The following MYOZ1 variants were observed in gnomAD, a reference collection of about 807,000 sequenced individuals.
MYOZ1 encodes myozenin-1.
MYOZ1 carries 20 observed loss-of-function variants against 28.7 expected under a neutral mutation model. That is an observed-to-expected ratio of 0.70 (90% CI 0.49 to 1.01). The LOEUF (loss-of-function observed/expected upper bound fraction) is 1.01. Among genes scored for constraint, MYOZ1 ranks in the 50% least tolerant of loss-of-function variants. The pLI is 0.00. For synonymous variants in MYOZ1, 144 were observed against 145.8 expected (o/e 0.99, Z 0.09); for missense variants, 371 against 372.4 (o/e 1.00, Z 0.03).
Position 73,641,392 on chromosome 10 carries a change from G to C in MYOZ1, c.-19+19C>G, listed in dbSNP as rs995830558. On this transcript the variant is annotated intron_variant, in intron 1 of 5. Transcript: ENST00000359322. Reference sequence around the variant, plus strand: ...CACAGTGGGCTCCAGCCTTTCTAACGATAGAGCTGGAGACTTACCGGCTGC... The same window carrying C: ...CACAGTGGGCTCCAGCCTTTCTAACCATAGAGCTGGAGACTTACCGGCTGC... 1 of 152,294 alleles carries C rather than the reference G, an allele frequency of 6.6e-6. No homozygotes were observed. The highest frequency in any genetic ancestry group is 1.5e-5 in the Non-Finnish European group (1 of 68,102). 9.4% of individuals were successfully genotyped at this position (152,294 alleles called of 1,614,324 possible).
In MYOZ1 at chr10:73,636,457, T is replaced by A. The variant is rs557078097; in HGVS notation, c.252+1287A>T. Among the ~76,000 whole-genome samples, 49 of 138,568 alleles carry A rather than the reference T, an allele frequency of 3.5e-4. 1 individual carries two copies. The South Asian group carries it at 0.011, about 31-fold the overall frequency. The allele number at this position is 138,568 out of a possible 152,430, so 90.9% of individuals were successfully genotyped here. ...TTTGAATTTCAGATGCACAACAAATTTTTATTTTTTTTTTTTAGATGGGTT... is the reference window on the plus strand; with the variant it reads ...TTTGAATTTCAGATGCACAACAAATATTTATTTTTTTTTTTTAGATGGGTT... On this transcript the variant is annotated intron_variant, in intron 3 of 5. Transcript: ENST00000359322.
At chr10:73,635,350 G>T (rs73272395) in intron 3 of MYOZ1, among the ~76,000 whole-genome samples, 33,169 of 150,862 alleles carry the variant, frequency 0.22, 5,413 homozygotes, top group African/African-American at 0.45. Flanking sequence ...AGACCAACAC[G>T]CCTGCCCAGC....
At chr10:73,635,346 A>C (rs1439628354) in intron 3 of MYOZ1, among the ~76,000 whole-genome samples, 2 of 151,788 alleles carry the variant, frequency 1.3e-5, no homozygotes, top group Non-Finnish European at 2.9e-5. Context: ...AAAAAGACCA[A>C]CACGCCTGCC....
At chr10:73,633,452 G>T (rs2081647886) in intron 5 of MYOZ1, among the ~76,000 whole-genome samples, 1 of 152,132 alleles carries the variant, frequency 6.6e-6, no homozygotes, top group African/African-American at 2.4e-5. Context: ...AAGCAGGCCG[G>T]GCACGGTGGC....
intron 5 of MYOZ1, among the ~76,000 whole-genome samples, chr10:73,632,958 G>T (rs2081643756): frequency 6.6e-6 from 1 of 151,986 alleles, no homozygotes; most frequent in African/African-American, 2.4e-5. Context: ...TCCTCTCCAT[G>T]GGCTAGAGAA....
At chr10:73,638,638 T>TTTTTTTTATTTA (rs748007634) in intron 2 of MYOZ1, among the ~76,000 whole-genome samples, 6 of 124,114 alleles carry the variant, frequency 4.8e-5, no homozygotes, top group African/African-American at 2.1e-4. Flanking sequence ...CCAGCCTACA[T>TTTTTTTTATTTA]TTTATTTATT....
rs753905596 is a variant in MYOZ1 at position 73,634,653 on chromosome 10, G to A, written c.333C>T (p.Asn111=). The change falls in exon 4 of 6, where the codon AAC becomes AAT. Residue 111 remains asparagine, a synonymous_variant. Coordinates refer to ENST00000359322, the MANE Select transcript of MYOZ1 (RefSeq NM_021245.4). Reference sequence around the variant, plus strand: ...CCCCTGCCTGGCTGCCGCCTCTGCCGTTGCTCTTGCTGTATGAGAATCCCT... The same window carrying A: ...CCCCTGCCTGGCTGCCGCCTCTGCCATTGCTCTTGCTGTATGAGAATCCCT... ...AGQGFSYSKS[N]GRGGSQAGGS... 4.0e-5 allele frequency: 65 copies of A among 1,614,102 alleles called. No individual in the cohort carries two copies. The highest frequency in any genetic ancestry group is 9.9e-5 in the South Asian group (9 of 91,090).
At chr10:73,634,198 A>G in intron 4 of MYOZ1, 133 bp from the exon 5 acceptor site, 1 of 1,135,850 alleles carries the variant, frequency 8.8e-7, no homozygotes, top group Non-Finnish European at 1.2e-6. Context: ...TAATTGTATA[A>G]GGTTTGTGGC....
rs150557332 is a variant in MYOZ1, at chr10:73,640,337, A to G, written c.-18-302T>C. On this transcript the variant is annotated intron_variant, in intron 1 of 5. Coordinates refer to ENST00000359322, the MANE Select transcript of MYOZ1 (RefSeq NM_021245.4). ...GCTAATTTTTGTATTTTTTGTAGAA[A>G]TGTGGTTTTGCCATGTTGCCCAGGC... Among the ~76,000 whole-genome samples the G allele has an allele frequency of 3.8e-3, 582 of 152,188 alleles. 2 individuals are homozygous for G. The highest frequency in any genetic ancestry group is 0.013 in the African/African-American group (551 of 41,514).
In MYOZ1 at chr10:73,634,523, C is replaced by T. The variant is rs1304495912; in HGVS notation, c.463G>A (p.Gly155Arg). The change falls in exon 4 of 6, where the codon GGA becomes AGA. Residue 155 changes from glycine to arginine, a missense_variant. Physicochemically the swap from Gly to Arg is moderately radical, Grantham distance 125. Coordinates refer to ENST00000359322, the MANE Select transcript of MYOZ1 (RefSeq NM_021245.4). ...GGPAGQAGRG[G>R]AAGTAGVGET... ...CCAACCCCTGCTGTGCCAGCAGCTCCTCCTCTGCCAGCCTGGCCCGCGGGA... is the reference window on the plus strand; with the variant it reads ...CCAACCCCTGCTGTGCCAGCAGCTCTTCCTCTGCCAGCCTGGCCCGCGGGA... 2 of 1,614,076 alleles carry T rather than the reference C, an allele frequency of 1.2e-6. No individual in the cohort carries two copies. Among genetic ancestry groups the T allele is most frequent in the African/African-American group, 2.7e-5 (2 of 74,924 alleles).
chr10:73,640,730 A>G (rs911948702), intron 1 of MYOZ1, among the ~76,000 whole-genome samples: 1 of 152,184 alleles, frequency 6.6e-6, no homozygotes, highest in African/African-American at 2.4e-5. Context: ...TGGGGCTGTG[A>G]TTCCAGGCTC....
intron 2 of MYOZ1, among the ~76,000 whole-genome samples, chr10:73,638,677 T>TATTTATG (rs1554958196): frequency 6.9e-4 from 102 of 147,444 alleles, no homozygotes; most frequent in African/African-American, 2.3e-3. Flanking sequence ...TTTATTTATT[T>TATTTATG]ATTTATTGAG....
At position 73,633,950 on chromosome 10, in the gene MYOZ1, C is replaced by G; in HGVS notation, c.618G>C (p.Leu206=). 1 of 1,613,792 alleles carries G rather than the reference C, an allele frequency of 6.2e-7. No individual in the cohort carries two copies. The highest frequency in any genetic ancestry group is 8.5e-7 in the Non-Finnish European group (1 of 1,179,890). ...GTTCAGCTTTGGCCCCATAGGCCAGCAGGTCAATGCCAAGTTCCATTTTTT... is the reference window on the plus strand; with the variant it reads ...GTTCAGCTTTGGCCCCATAGGCCAGGAGGTCAATGCCAAGTTCCATTTTTT... ...PQQKMELGID[L]LAYGAKAELP... The change falls in exon 5 of 6, where the codon CTG becomes CTC. Residue 206 remains leucine, a synonymous_variant. Coordinates refer to ENST00000359322, the MANE Select transcript of MYOZ1 (RefSeq NM_021245.4).
At chr10:73,640,164 T>C in intron 1 of MYOZ1, 129 bp from the exon 2 acceptor site, 1 of 642,254 alleles carries the variant, frequency 1.6e-6, no homozygotes, top group Non-Finnish European at 2.6e-6. Context: ...TTTTTCTTTT[T>C]TAGAGACAGG....
rs1171644907 is a variant in MYOZ1 at position 73,634,535 on chromosome 10, C to T, written c.451G>A (p.Ala151Thr). 6.2e-7 allele frequency: 1 copy of T among 1,614,034 alleles called. No homozygotes were observed. The highest frequency in any genetic ancestry group is 8.5e-7 in the Non-Finnish European group (1 of 1,180,034). ...AGGTGGPAGQ[A>T]GRGGAAGTAG... is the part of the protein sequence containing the mutation. ...GTGCCAGCAGCTCCTCCTCTGCCAG[C>T]CTGGCCCGCGGGACCACCTGTACCC... The change falls in exon 4 of 6, where the codon GCT becomes ACT. Residue 151 changes from alanine (A) to threonine (T), a missense_variant. Ala to Thr is a moderately conservative substitution (Grantham distance 58, BLOSUM62 0). Transcript: ENST00000359322.
rs956352251 is a variant in MYOZ1, at chr10:73,632,268, T to C, written c.669-107A>G. The C allele has an allele frequency of 2.9e-6, 3 of 1,031,228 alleles. No homozygotes were observed. In the African/African-American group the frequency reaches 4.8e-5, roughly 17 times the overall value. 63.9% of individuals were successfully genotyped at this position (1,031,228 alleles called of 1,614,324 possible). A position where few individuals can be genotyped will look rare whatever the true frequency, so the allele number is the denominator to read the frequency against. ...ATAGGGAAGTCTGTGAATTCTAGTT[T>C]GGGATTGCATCTGTACTCCTTCTTC... On this transcript the variant is annotated intron_variant, in intron 5 of 5. Coordinates refer to ENST00000359322, the MANE Select transcript of MYOZ1 (RefSeq NM_021245.4).
intron 3 of MYOZ1, 64 bp downstream of exon 3, chr10:73,637,680 G>A (rs1351918492): frequency 2.0e-6 from 3 of 1,468,162 alleles, no homozygotes; most frequent in Non-Finnish European, 2.8e-6. Context: ...GAGGTTCAGG[G>A]CCTACTAACA....
At chr10:73,637,651 G>C in intron 3 of MYOZ1, 93 bp downstream of exon 3, 2 of 1,207,978 alleles carry the variant, frequency 1.7e-6, no homozygotes, top group South Asian at 3.0e-5. Flanking sequence ...TTCAGGGAGG[G>C]GATGTTGACT....
At position 73,632,123 on chromosome 10, in the gene MYOZ1, T is replaced by A. The variant is rs1315017033; in HGVS notation, c.707A>T (p.Lys236Ile). 6.2e-7 allele frequency: 1 copy of A among 1,614,144 alleles called. No homozygotes were observed. The highest frequency in any genetic ancestry group is 8.5e-7 in the Non-Finnish European group (1 of 1,180,010). Residue 236 changes from lysine (K) to isoleucine (I), a missense_variant, in exon 6 of 6, where the codon AAA becomes ATA. Lys to Ile is a moderately radical substitution (Grantham distance 102, BLOSUM62 -3). Coordinates refer to ENST00000359322, the MANE Select transcript of MYOZ1 (RefSeq NM_021245.4). ...MPYGGYEKAS[K>I]RMTFQMPKFD... ...CTTGGGCATCTGGAAGGTCATGCGT[T>A]TGGAGGCCTTCTCATATCCACCATA...
Sources: allele counts gnomAD v4.1 joint callset (sites outside exome capture counted in the v4.1 genomes callset), GRCh38; gene constraint gnomAD v4.1.1; transcripts MANE v1.5; gene names NCBI Gene and HGNC (gene_info 2026-07-23, HGNC 2026-07-21).